Variants in MTNR1A observed in about 807,000 individuals in gnomAD.
The protein encoded by MTNR1A is melatonin receptor 1A, also known as melatonin receptor type 1A.
A neutral mutation model predicts 5.5 loss-of-function variants in MTNR1A; 7 were observed. That is an observed-to-expected ratio of 1.28 (90% CI 0.73 to 2.40). MTNR1A has a LOEUF of 2.40. Ranked by LOEUF, MTNR1A falls within the 30% of genes most tolerant of loss-of-function variation. MTNR1A has a pLI of 0.00. For synonymous variants in MTNR1A, 196 were observed against 202.7 expected (o/e 0.97, Z 0.28); for missense variants, 441 against 464.4 (o/e 0.95, Z 0.46).
chr4:186,537,214 T>C (rs1736877265), intron 1 of MTNR1A, among the ~76,000 whole-genome samples: 1 of 152,324 alleles, frequency 6.6e-6, no homozygotes, highest in East Asian at 1.9e-4. Context: ...GGCTGTCAGG[T>C]AGCTCACATA....
intron 1 of MTNR1A, among the ~76,000 whole-genome samples, chr4:186,554,775 C>T (rs1334306095): frequency 6.6e-6 from 1 of 152,238 alleles, no homozygotes; most frequent in Non-Finnish European, 1.5e-5. Context: ...ATCATTTTGC[C>T]AGCTTCTATG....
At chr4:186,542,175 C>T (rs1285364203) in intron 1 of MTNR1A, among the ~76,000 whole-genome samples, 2 of 152,264 alleles carry the variant, frequency 1.3e-5, no homozygotes, top group South Asian at 2.1e-4. Flanking sequence ...ATAACACCAG[C>T]GGAGCACCAT....
chr4:186,538,867 A>G (rs1406541609), intron 1 of MTNR1A, among the ~76,000 whole-genome samples: 1 of 152,126 alleles, frequency 6.6e-6, no homozygotes, highest in Non-Finnish European at 1.5e-5. Flanking sequence ...TAGAAATCCT[A>G]TTTCCAGTAG....
chr4:186,537,814 C>A (rs62350382), intron 1 of MTNR1A, among the ~76,000 whole-genome samples: 1 of 152,174 alleles, frequency 6.6e-6, no homozygotes, highest in Non-Finnish European at 1.5e-5. Context: ...CTTACAGCCT[C>A]TCCAGGCACA....
chr4:186,543,993 T>C (rs567830225), intron 1 of MTNR1A, among the ~76,000 whole-genome samples: 9 of 152,246 alleles, frequency 5.9e-5, no homozygotes, highest in South Asian at 2.1e-4. Flanking sequence ...AAGGTGGAAA[T>C]GAAGCAGCAG....
At chr4:186,552,821 C>T (rs920238957) in intron 1 of MTNR1A, among the ~76,000 whole-genome samples, 1 of 152,210 alleles carries the variant, frequency 6.6e-6, no homozygotes, top group Non-Finnish European at 1.5e-5. Flanking sequence ...ATCAAATTTA[C>T]TCAGAAGATA....
In MTNR1A at chr4:186,534,237, G is replaced by A; in HGVS notation, c.505C>T (p.Gln169Ter). ...CACGAGTAGATCCTCGGGTCGTACT[G>A]GAGAGTCCCTGCACGGAGGTTGGGC... is the stretch of plus-strand genomic sequence containing the variant. Reference protein sequence around the residue: ...VLPNLRAGTLQYDPRIYSCTF... With the variant: ...VLPNLRAGTL The change falls in exon 2 of 2, where the codon CAG becomes TAG. Residue 169 changes from glutamine to a stop codon, truncating the protein, a stop_gained. Transcript: ENST00000307161. LOFTEE classifies it low-confidence loss of function (END_TRUNC). 1 of 1,614,130 alleles carries A rather than the reference G, an allele frequency of 6.2e-7. No individual in the cohort carries two copies. The highest frequency in any genetic ancestry group is 1.6e-4 in the Middle Eastern group (1 of 6,062).
rs114898184 is a variant in MTNR1A at position 186,540,569 on chromosome 4, C to T, written c.185-6012G>A. ...TTGGCCTTGGTAGAGTCTGAATGCTCGAACATGGACCCCCAAGTGACCATG... is the reference window on the plus strand; with the variant it reads ...TTGGCCTTGGTAGAGTCTGAATGCTTGAACATGGACCCCCAAGTGACCATG... On this transcript the variant is annotated intron_variant, in intron 1 of 1. Coordinates refer to ENST00000307161, the MANE Select transcript of MTNR1A (RefSeq NM_005958.4). Among the ~76,000 whole-genome samples the T allele has an allele frequency of 9.0e-3, 1,373 of 152,366 alleles. 28 individuals carry two copies. The highest frequency in any genetic ancestry group is 0.03 in the African/African-American group (1,244 of 41,588).
Position 186,533,806 on chromosome 4 carries a change from C to T in MTNR1A, c.936G>A (p.Ser312=), listed in dbSNP as rs202137339. The part of the protein sequence containing the change: ...FRKEYRRIIV[S]LCTARVFFVD... ...CAAAGAACACCCTGGCTGTACAGAG[C>T]GAGACTATAATTCTCCTGTATTCCT... is the stretch of plus-strand genomic sequence containing the variant. The change falls in exon 2 of 2, where the codon TCG becomes TCA. Residue 312 remains serine, a synonymous_variant. Transcript: ENST00000307161. The T allele has an allele frequency of 1.5e-5, 24 of 1,614,146 alleles. No homozygotes were observed. The highest frequency in any genetic ancestry group is 1.3e-4 in the East Asian group (6 of 44,880).
chr4:186,535,036 G>A (rs1410556236), intron 1 of MTNR1A, among the ~76,000 whole-genome samples: 1 of 152,202 alleles, frequency 6.6e-6, no homozygotes, highest in African/African-American at 2.4e-5. Context: ...TTAAGGGCAA[G>A]AGGGATCTGT....
chr4:186,534,082 C>T lies in MTNR1A; in HGVS notation c.660G>A (p.Arg220=), dbSNP rs774483149. The T allele has an allele frequency of 1.9e-6, 3 of 1,614,108 alleles. No individual in the cohort carries two copies. The highest frequency in any genetic ancestry group is 2.5e-6 in the Non-Finnish European group (3 of 1,180,030). The change falls in exon 2 of 2, where the codon AGG becomes AGA. Residue 220 remains arginine, a synonymous_variant. Transcript: ENST00000307161. ...GTTTGGGTTTGCGGTCAGGTTTCAC[C>T]CTCTGTCTGACCTGGAGAACCAGGA... ...IWILVLQVRQ[R]VKPDRKPKLK... is the part of the protein sequence containing the mutation.
At chr4:186,547,118 C>T (rs193076750) in intron 1 of MTNR1A, among the ~76,000 whole-genome samples, 2 of 50,068 alleles carry the variant, frequency 4.0e-5, no homozygotes, top group African/African-American at 6.7e-5. Context: ...TGGGACACAC[C>T]GTCCTCACAC....
At chr4:186,537,042 A>C (rs991222879) in intron 1 of MTNR1A, among the ~76,000 whole-genome samples, 2 of 152,206 alleles carry the variant, frequency 1.3e-5, no homozygotes, top group African/African-American at 4.8e-5. Context: ...TGATGTCATA[A>C]ATTTCTTTCA....
chr4:186,546,114 C>A (rs1413985733), intron 1 of MTNR1A, among the ~76,000 whole-genome samples: 1 of 152,180 alleles, frequency 6.6e-6, no homozygotes, highest in African/African-American at 2.4e-5. Flanking sequence ...ATAAATCAAG[C>A]TGCTTAGGGC....
rs1229798843 is a variant in MTNR1A at position 186,534,120 on chromosome 4, G to A, written c.622C>T (p.Leu208=). Residue 208 remains leucine, a synonymous_variant, in exon 2 of 2, where the codon CTG becomes TTG. Transcript: ENST00000307161. ...TGGAGAACCAGGATCCATATTCTCA[G>A]GTAACAGAAGATGACTATGATCATG... ...VPMIIVIFCY[L]RIWILVLQVR... The A allele has an allele frequency of 3.7e-6, 6 of 1,613,958 alleles. No homozygotes were observed. Among genetic ancestry groups the A allele is most frequent in the Non-Finnish European group, 5.1e-6 (6 of 1,179,998 alleles).
Position 186,536,019 on chromosome 4 carries a change from A to G in MTNR1A, c.185-1462T>C, listed in dbSNP as rs533886917. On this transcript the variant is annotated intron_variant, in intron 1 of 1. Transcript: ENST00000307161. ...ATGCATATATTTGGTGCAGGGGGAA[A>G]CAGGAATTGAGAGACAGGAAAAGTC... Among the ~76,000 whole-genome samples, 26 of 152,310 alleles carry G rather than the reference A, an allele frequency of 1.7e-4. No homozygotes were observed. The Middle Eastern group carries it at 0.014, about 80-fold the overall frequency.
chr4:186,535,970 A>C (rs1245207903), intron 1 of MTNR1A, among the ~76,000 whole-genome samples: 1 of 152,184 alleles, frequency 6.6e-6, no homozygotes, highest in African/African-American at 2.4e-5. Context: ...AATTATAATA[A>C]ATTCAATTCA....
chr4:186,540,673 G>A (rs922488791), intron 1 of MTNR1A, among the ~76,000 whole-genome samples: 3 of 151,282 alleles, frequency 2.0e-5, no homozygotes, highest in African/African-American at 7.3e-5. Context: ...ACCAGGTGCT[G>A]TCTGACTGAC....
In MTNR1A at chr4:186,538,382, A is replaced by G. The variant is rs185057214; in HGVS notation, c.185-3825T>C. On this transcript the variant is annotated intron_variant, in intron 1 of 1. Transcript: ENST00000307161. ...CGTGAGATTTTGAAGGCGGAAGTGCAGCAGTAGCTTGCTCTCTGCCCTCAG... is the reference window on the plus strand; with the variant it reads ...CGTGAGATTTTGAAGGCGGAAGTGCGGCAGTAGCTTGCTCTCTGCCCTCAG... Among the ~76,000 whole-genome samples the G allele has an allele frequency of 3.6e-3, 543 of 152,344 alleles. 1 individual carries two copies. The highest frequency in any genetic ancestry group is 7.5e-3 in the Admixed American group (114 of 15,298).
Sources: gnomAD v4.1 joint callset for allele counts (sites outside exome capture counted in the v4.1 genomes callset) on GRCh38, gnomAD v4.1.1 for gene constraint, MANE v1.5 for transcripts, NCBI Gene and HGNC (gene_info 2026-07-23, HGNC 2026-07-21) for gene names.